Variants in LRP1B observed in about 807,000 individuals in gnomAD.
The protein encoded by LRP1B is low-density lipoprotein receptor-related protein 1B.
Under a neutral mutation model 556.6 loss-of-function variants are expected in LRP1B, and 217 were observed. The ratio of observed to expected loss-of-function variants is 0.39; its 90% confidence interval spans 0.35 to 0.44. LRP1B has a LOEUF of 0.44. LRP1B is among the 20% of genes least tolerant of loss of function. The pLI is 1.00. For missense variants in LRP1B, 5,053 were observed against 5,620.8 expected, an observed-to-expected ratio of 0.90 and a Z score of 3.23; for synonymous variants, 2,047 against 1,865.8, an observed-to-expected ratio of 1.10 and a Z score of -2.50.
At chr2:141,381,561 T>C (rs1028309231) in intron 3 of LRP1B, among the ~76,000 whole-genome samples, 6 of 151,096 alleles carry the variant, frequency 4.0e-5, no homozygotes, top group Non-Finnish European at 8.9e-5. Flanking sequence ...GGATACCAAA[T>C]AATACAAATA....
chr2:140,964,250 G>T (rs2105319263), intron 18 of LRP1B, among the ~76,000 whole-genome samples: 1 of 152,278 alleles, frequency 6.6e-6, no homozygotes, highest in Non-Finnish European at 1.5e-5. Flanking sequence ...AGAGCCAGGT[G>T]TACAGGATGG....
intron 66 of LRP1B, among the ~76,000 whole-genome samples, chr2:140,413,598 C>T (rs907249162): frequency 2.0e-5 from 3 of 152,146 alleles, no homozygotes; most frequent in East Asian, 3.8e-4. Flanking sequence ...AATAAAATTT[C>T]ATATACCATT....
chr2:141,330,747 CT>C lies in LRP1B; in HGVS notation c.344-76107del, dbSNP rs530844983. On this transcript the variant is annotated intron_variant, in intron 3 of 90. Coordinates refer to ENST00000389484, the MANE Select transcript of LRP1B (RefSeq NM_018557.3). The stretch of plus-strand genomic sequence containing the variant: ...GGATTCTACTTTTTTGGCTAACAAA[CT>C]TTTTTTTTTTTTTTTTTTTTTTGAG... 2.8e-3 allele frequency among the ~76,000 whole-genome samples: 298 copies of C among 107,842 alleles called. 1 individual carries two copies. Among genetic ancestry groups the C allele is most frequent in the Admixed American group, 3.7e-3 (38 of 10,188 alleles). The allele number at this position is 107,842 out of a possible 152,430, so 70.7% of individuals were successfully genotyped here.
intron 1 of LRP1B, among the ~76,000 whole-genome samples, chr2:142,004,220 C>T (rs1702738920): frequency 6.6e-6 from 1 of 151,986 alleles, no homozygotes; most frequent in African/African-American, 2.4e-5. Flanking sequence ...AGCAAATGAC[C>T]ACAGAATTAT....
chr2:142,096,042 A>AT (rs1156697395), intron 1 of LRP1B, among the ~76,000 whole-genome samples: 1 of 151,686 alleles, frequency 6.6e-6, no homozygotes, highest in Non-Finnish European at 1.5e-5. Context: ...CCACTTAACT[A>AT]TTTTTTGTGT....
intron 51 of LRP1B, among the ~76,000 whole-genome samples, chr2:140,511,292 CTTTTTTTTTT>C (rs70985101): frequency 1.7e-5 from 1 of 58,456 alleles, no homozygotes; most frequent in Non-Finnish European, 3.0e-5. Flanking sequence ...CTCTAAGGGT[CTTTTTTTTTT>C]TTTTTTTTTT....
chr2:140,761,032 T>A (rs1253607794), intron 35 of LRP1B, among the ~76,000 whole-genome samples: 1 of 152,216 alleles, frequency 6.6e-6, no homozygotes, highest in Non-Finnish European at 1.5e-5. Flanking sequence ...AAAAAATATA[T>A]ACGTGTGAAT....
At chr2:140,710,729 C>A (rs1292427304) in intron 37 of LRP1B, among the ~76,000 whole-genome samples, 1 of 151,916 alleles carries the variant, frequency 6.6e-6, no homozygotes, top group African/African-American at 2.4e-5. Flanking sequence ...GATGGACTAT[C>A]AGTGGAGAAA....
At chr2:140,276,538 G>A (rs898358606) in intron 84 of LRP1B, among the ~76,000 whole-genome samples, 1 of 139,728 alleles carries the variant, frequency 7.2e-6, no homozygotes, top group Non-Finnish European at 1.5e-5. Context: ...TTTATGAAGA[G>A]TATATCAACA....
chr2:141,892,848 CACATATGT>C (rs1417140992), intron 1 of LRP1B, among the ~76,000 whole-genome samples: 1 of 152,008 alleles, frequency 6.6e-6, no homozygotes, highest in Non-Finnish European at 1.5e-5. Flanking sequence ...TTGAGAAATT[CACATATGT>C]GTGAAATTTG....
At chr2:140,707,221 G>A (rs184732849) in intron 37 of LRP1B, among the ~76,000 whole-genome samples, 2 of 152,092 alleles carry the variant, frequency 1.3e-5, no homozygotes, top group East Asian at 3.9e-4. Flanking sequence ...TAGATCCTTT[G>A]TTACATATGA....
chr2:141,011,970 T>C (rs1697762746), intron 14 of LRP1B, among the ~76,000 whole-genome samples: 1 of 152,092 alleles, frequency 6.6e-6, no homozygotes. Context: ...GTAAGTTACC[T>C]ACCATAATTT....
intron 41 of LRP1B, among the ~76,000 whole-genome samples, chr2:140,635,471 T>C (rs532746134): frequency 1.3e-5 from 2 of 152,148 alleles, no homozygotes; most frequent in Non-Finnish European, 2.9e-5. Flanking sequence ...TTATATTCAT[T>C]TATTATCCTG....
chr2:141,292,212 C>G (rs1313938529), intron 3 of LRP1B, among the ~76,000 whole-genome samples: 1 of 152,126 alleles, frequency 6.6e-6, no homozygotes, highest in Non-Finnish European at 1.5e-5. Context: ...TGAGGTGGAA[C>G]AGCTTCATCC....
chr2:141,018,725 T>A (rs1697982000), intron 12 of LRP1B, among the ~76,000 whole-genome samples: 1 of 152,144 alleles, frequency 6.6e-6, no homozygotes, highest in Non-Finnish European at 1.5e-5. Flanking sequence ...TTGGACAGTG[T>A]GGAACAAATA....
In LRP1B at chr2:141,937,374, G is replaced by C. The variant is rs536315782; in HGVS notation, c.83-126973C>G. On this transcript the variant is annotated intron_variant, in intron 1 of 90. Coordinates refer to ENST00000389484, the MANE Select transcript of LRP1B (RefSeq NM_018557.3). ...CACTCCAGCCTGGGCGACAGAGCGA[G>C]ACTCCATCTCAAAAAATAATAATAA... Among the ~76,000 whole-genome samples, 28 of 151,218 alleles carry C rather than the reference G, an allele frequency of 1.9e-4. No homozygotes were observed. The South Asian group carries it at 5.8e-3, about 32-fold the overall frequency.
At chr2:140,921,615 T>C (rs1243105095) in intron 21 of LRP1B, among the ~76,000 whole-genome samples, 1 of 152,132 alleles carries the variant, frequency 6.6e-6, no homozygotes, top group Admixed American at 6.6e-5. Context: ...AAATCACATT[T>C]TTCTAACAAA....
intron 18 of LRP1B, among the ~76,000 whole-genome samples, chr2:140,963,772 T>C (rs942699777): frequency 2.0e-5 from 3 of 151,946 alleles, no homozygotes; most frequent in African/African-American, 7.3e-5. Flanking sequence ...GTCTGGCCAA[T>C]AAGGTAAAAA....
chr2:142,063,070 A>AG (rs397836229), intron 1 of LRP1B, among the ~76,000 whole-genome samples: 1 of 150,892 alleles, frequency 6.6e-6, no homozygotes, highest in Non-Finnish European at 1.5e-5. Context: ...AAAAAAAAAA[A>AG]GCTGAGTTTA....
Sources: allele counts gnomAD v4.1 joint callset (sites outside exome capture counted in the v4.1 genomes callset), GRCh38; gene constraint gnomAD v4.1.1; transcripts MANE v1.5; gene names NCBI Gene and HGNC (gene_info 2026-07-23, HGNC 2026-07-21).